Variants in CBLN1 observed in about 807,000 individuals in gnomAD.
CBLN1 encodes the protein cerebellin-1.
A neutral mutation model predicts 15.9 loss-of-function variants in CBLN1; 5 were observed. The ratio of observed to expected loss-of-function variants is 0.31; its 90% CI spans 0.16 to 0.66. The LOEUF is 0.66. Ranked by LOEUF, CBLN1 falls within the 30% of genes least tolerant of loss-of-function variation. The pLI, the probability that CBLN1 is intolerant of heterozygous loss-of-function variation, is 0.75. For missense variants in CBLN1, 164 were observed against 253.7 expected, an observed-to-expected ratio of 0.65 and a Z score of 2.40; for synonymous variants, 90 against 107.6, an observed-to-expected ratio of 0.84 and a Z score of 1.01.
At position 49,278,171 on chromosome 16, in the gene CBLN1, A is replaced by C. The variant is rs1184948612; in HGVS notation, c.*1233T>G. On this transcript the variant is annotated 3_prime_UTR_variant, in exon 3 of 3. Coordinates refer to ENST00000219197, the MANE Select transcript of CBLN1 (RefSeq NM_004352.4). ...GAAGGCCTGAGGAGTCTGCCGCTCC[A>C]GGCAGGGTCGTTTGGGTCCTCAAAC... 6.6e-6 allele frequency: 1 copy of C among 152,282 alleles called. No homozygotes were observed. Among genetic ancestry groups the C allele is most frequent in the East Asian group, 1.9e-4 (1 of 5,200 alleles). 9.4% of individuals were successfully genotyped at this position (152,282 alleles called of 1,614,324 possible).
At position 49,281,788 on chromosome 16, in the gene CBLN1, C is replaced by T; in HGVS notation, c.-323G>A. The T allele has an allele frequency of 3.4e-6, 1 of 292,652 alleles. No individual in the cohort carries two copies. 18.1% of individuals were successfully genotyped at this position (292,652 alleles called of 1,614,324 possible). A position where few individuals can be genotyped will look rare whatever the true frequency, so the allele number is the denominator to read the frequency against. Reference sequence around the variant, plus strand: ...CCGCACCCGCCGCTGCCGCCGCCGCCGCCGCTCTGAATTATTGATGCAGCC... The same window carrying T: ...CCGCACCCGCCGCTGCCGCCGCCGCTGCCGCTCTGAATTATTGATGCAGCC... On this transcript the variant is annotated 5_prime_UTR_variant, in exon 1 of 3. Transcript: ENST00000219197.
intron 2 of CBLN1, 39 bp downstream of exon 2, chr16:49,280,884 C>A: frequency 1.2e-6 from 2 of 1,613,726 alleles, no homozygotes. Context: ...CCAGTAACCC[C>A]CCTACGGGGC....
intron 1 of CBLN1, 44 bp from the exon 2 acceptor site, chr16:49,281,086 C>G: frequency 6.2e-7 from 1 of 1,614,198 alleles, no homozygotes; most frequent in Non-Finnish European, 8.5e-7. Context: ...GGAATCGGTC[C>G]CGGACTGTCG....
In CBLN1 at chr16:49,280,983, G is replaced by A. The variant is rs762047557; in HGVS notation, c.324C>T (p.Arg108=). ...GGAAGTTAAAACTGTAGATCCCTTT[G>A]CGCGGGGCGATGAAAGTGCTGCGTT... ...DSERSTFIAP[R]KGIYSFNFHV... Residue 108 remains arginine, a synonymous_variant, in exon 2 of 3, where the codon CGC becomes CGT. Coordinates refer to ENST00000219197, the MANE Select transcript of CBLN1 (RefSeq NM_004352.4). 6.8e-6 allele frequency: 11 copies of A among 1,614,068 alleles called. No homozygotes were observed. In the African/African-American group the frequency reaches 1.3e-4, roughly 20 times the overall value.
chr16:49,279,858 A>C (rs992806679), intron 2 of CBLN1, among the ~76,000 whole-genome samples: 23 of 152,132 alleles, frequency 1.5e-4, no homozygotes, highest in Admixed American at 1.3e-3. Context: ...CAGTTTCTCA[A>C]ATGAGCGCGC....
At chr16:49,280,477 G>C (rs1479474020) in intron 2 of CBLN1, among the ~76,000 whole-genome samples, 1 of 152,230 alleles carries the variant, frequency 6.6e-6, no homozygotes, top group East Asian at 1.9e-4. Context: ...GGACAAGTGG[G>C]AGAAAACGGG....
At chr16:49,280,204 G>A (rs1963246595) in intron 2 of CBLN1, among the ~76,000 whole-genome samples, 1 of 152,074 alleles carries the variant, frequency 6.6e-6, no homozygotes, top group African/African-American at 2.4e-5. Flanking sequence ...GCCCGCCACC[G>A]CCTGGTTTTG....
In CBLN1 at chr16:49,279,039, G is replaced by A. The variant is rs968292764; in HGVS notation, c.*365C>T. ...GCAGAAGGATTCAGAGGGGGCTAGG[G>A]AGAAAGATTTCAGATTATGTAGTGA... On this transcript the variant is annotated 3_prime_UTR_variant, in exon 3 of 3. Coordinates refer to ENST00000219197, the MANE Select transcript of CBLN1 (RefSeq NM_004352.4). 1 of 241,888 alleles carries A rather than the reference G, an allele frequency of 4.1e-6. No individual in the cohort carries two copies. Among genetic ancestry groups the A allele is most frequent in the South Asian group, 6.9e-5 (1 of 14,562 alleles). 15.0% of individuals were successfully genotyped at this position (241,888 alleles called of 1,614,324 possible).
At chr16:49,280,356 C>A (rs908255658) in intron 2 of CBLN1, among the ~76,000 whole-genome samples, 5 of 152,334 alleles carry the variant, frequency 3.3e-5, no homozygotes, top group African/African-American at 1.2e-4. Context: ...CGGCTGGAGC[C>A]GGGAGAGAGT....
rs1193436384 is a variant in CBLN1 at position 49,278,443 on chromosome 16, G to C, written c.*961C>G. The stretch of plus-strand genomic sequence containing the variant: ...CGTTCCCCCAAGTCTCCTGCCTTTC[G>C]GAACCTCGCCCTTTGGCACCCCAGA... On this transcript the variant is annotated 3_prime_UTR_variant, in exon 3 of 3. Coordinates refer to ENST00000219197, the MANE Select transcript of CBLN1 (RefSeq NM_004352.4). The C allele has an allele frequency of 1.3e-5, 2 of 152,226 alleles. No individual in the cohort carries two copies. The highest frequency in any genetic ancestry group is 2.9e-5 in the Non-Finnish European group (2 of 68,038). 9.4% of individuals were successfully genotyped at this position (152,226 alleles called of 1,614,324 possible). A position where few individuals can be genotyped will look rare whatever the true frequency, so the allele number is the denominator to read the frequency against.
intron 2 of CBLN1, 133 bp from the exon 3 acceptor site, chr16:49,279,734 G>GGGGGGGGGGGCC: frequency 1.6e-6 from 1 of 628,268 alleles, no homozygotes; most frequent in Non-Finnish European, 2.7e-6. Flanking sequence ...GGTGGGGGGG[G>GGGGGGGGGGGCC]CGAATGGAGG....
At chr16:49,280,827 C>G in intron 2 of CBLN1, 96 bp downstream of exon 2, 1 of 1,406,026 alleles carries the variant, frequency 7.1e-7, no homozygotes, top group Non-Finnish European at 1.0e-6. Flanking sequence ...GTACATGCAG[C>G]CGCCACTTCT....
intron 2 of CBLN1, 122 bp from the exon 3 acceptor site, chr16:49,279,723 G>A (rs1307831392): frequency 5.6e-6 from 4 of 715,064 alleles, no homozygotes; most frequent in African/African-American, 3.6e-5. Context: ...GAGAGGTGGG[G>A]GGTGGGGGGG....
At chr16:49,279,706 A>T in intron 2 of CBLN1, 105 bp from the exon 3 acceptor site, 2 of 546,158 alleles carry the variant, frequency 3.7e-6, no homozygotes, top group Non-Finnish European at 3.2e-6. Context: ...TAAGGCCTGG[A>T]AGCACGGAGA....
Position 49,281,469 on chromosome 16 carries a change from G to A in CBLN1, c.-4C>T, listed in dbSNP as rs1322884084. On this transcript the variant is annotated 5_prime_UTR_variant, in exon 1 of 3. Coordinates refer to ENST00000219197, the MANE Select transcript of CBLN1 (RefSeq NM_004352.4). Reference sequence around the variant, plus strand: ...GCAGCTCCAGGACGCCCAGCATCGCGCCGCCGGCGCCCACCCCGCCCCCCA... The same window carrying A: ...GCAGCTCCAGGACGCCCAGCATCGCACCGCCGGCGCCCACCCCGCCCCCCA... 3 of 1,471,146 alleles carry A rather than the reference G, an allele frequency of 2.0e-6. No individual in the cohort carries two copies. Among genetic ancestry groups the A allele is most frequent in the Non-Finnish European group, 8.9e-7 (1 of 1,121,100 alleles). The allele number at this position is 1,471,146 out of a possible 1,614,324, so 91.1% of individuals were successfully genotyped here.
chr16:49,281,274 G>A lies in CBLN1; in HGVS notation c.192C>T (p.Phe64=). ...SVRSGSAKVA[F]SAIRSTNHEP... is the part of the protein sequence containing the mutation. ...CGTGGTTGGTGCTCCTGATGGCAGAGAAAGCCACCTTGGCGCTGCCAGAGC... is the reference window on the plus strand; with the variant it reads ...CGTGGTTGGTGCTCCTGATGGCAGAAAAAGCCACCTTGGCGCTGCCAGAGC... The change falls in exon 1 of 3, where the codon TTC becomes TTT. Residue 64 remains phenylalanine, a synonymous_variant. Coordinates refer to ENST00000219197, the MANE Select transcript of CBLN1 (RefSeq NM_004352.4). 1 of 1,614,020 alleles carries A rather than the reference G, an allele frequency of 6.2e-7. No individual in the cohort carries two copies. Among genetic ancestry groups the A allele is most frequent in the Non-Finnish European group, 8.5e-7 (1 of 1,180,036 alleles).
intron 2 of CBLN1, 89 bp downstream of exon 2, chr16:49,280,834 T>C: frequency 6.7e-7 from 1 of 1,493,780 alleles, no homozygotes; most frequent in Non-Finnish European, 9.3e-7. Flanking sequence ...CAGCCGCCAC[T>C]TCTGCCTACC....
At position 49,278,338 on chromosome 16, in the gene CBLN1, C is replaced by G. The variant is rs1415367727; in HGVS notation, c.*1066G>C. On this transcript the variant is annotated 3_prime_UTR_variant, in exon 3 of 3. Coordinates refer to ENST00000219197, the MANE Select transcript of CBLN1 (RefSeq NM_004352.4). ...GCTGTGAACACAGGCGAATGCAGTG[C>G]TGGTCCCCGGCCTGGCGCAGGAAGG... is the stretch of plus-strand genomic sequence containing the variant. 6.6e-6 allele frequency: 1 copy of G among 152,276 alleles called. No homozygotes were observed. Among genetic ancestry groups the G allele is most frequent in the East Asian group, 1.9e-4 (1 of 5,200 alleles). 9.4% of individuals were successfully genotyped at this position (152,276 alleles called of 1,614,324 possible). A position where few individuals can be genotyped will look rare whatever the true frequency, so the allele number is the denominator to read the frequency against.
Position 49,281,336 on chromosome 16 carries a change from A to T in CBLN1, c.130T>A (p.Ser44Thr), listed in dbSNP as rs1963288495. 6.2e-7 allele frequency: 1 copy of T among 1,612,620 alleles called. No homozygotes were observed. Among genetic ancestry groups the T allele is most frequent in the African/African-American group, 1.3e-5 (1 of 74,926 alleles). ...CCCAGGGCAGTGCCCGTGGGGTCGG[A>T]CGTGGGGTTGGAGTCGCACACCACC... ...CLVVCDSNPT[S>T]DPTGTALGIS... The change falls in exon 1 of 3, where the codon TCC becomes ACC. Residue 44 changes from serine (S) to threonine (T), a missense_variant. By Grantham distance (58) the Ser-to-Thr change is moderately conservative. Transcript: ENST00000219197.
Sources: gnomAD v4.1 joint callset for allele counts (sites outside exome capture counted in the v4.1 genomes callset) on GRCh38, gnomAD v4.1.1 for gene constraint, MANE v1.5 for transcripts, NCBI Gene and HGNC (gene_info 2026-07-23, HGNC 2026-07-21) for gene names.